MECOM: variants seen among roughly 807,000 people sequenced by gnomAD.
MECOM encodes histone-lysine N-methyltransferase MECOM.
In MECOM, 13 loss-of-function variants were observed where a neutral mutation model predicts 116.3. The observed-to-expected ratio is 0.11, with a 90% CI of 0.07 to 0.18. The LOEUF is 0.18. Ranked by LOEUF, MECOM falls within the 10% of genes least tolerant of loss-of-function variation. The pLI is 1.00. For missense variants in MECOM, 1,299 were observed against 1,509.0 expected, an observed-to-expected ratio of 0.86 and a Z score of 2.31; for synonymous variants, 528 against 535.2, an observed-to-expected ratio of 0.99 and a Z score of 0.19.
intron 1 of MECOM, among the ~76,000 whole-genome samples, chr3:169,619,946 T>C (rs1770503579): frequency 6.6e-6 from 1 of 152,198 alleles, no homozygotes; most frequent in Non-Finnish European, 1.5e-5. Context: ...CTTCATGTTC[T>C]AAGACAGTCA....
In MECOM at chr3:169,090,017, G is replaced by A; in HGVS notation, c.3384C>T (p.Cys1128=). The change falls in exon 15 of 17, where the codon TGC becomes TGT. Residue 1128 remains cysteine (C), a synonymous_variant. Transcript: ENST00000651503. Reference sequence around the variant, plus strand: ...GTACTCACCTCACTGGGGATGTCTTGCAACTCATCTCCAGGGCACTGGTTT... The same window carrying A: ...GTACTCACCTCACTGGGGATGTCTTACAACTCATCTCCAGGGCACTGGTTT... The part of the protein sequence containing the change: ...YEETSALEMS[C]KTSPVRYKEE... The A allele has an allele frequency of 6.2e-7, 1 of 1,613,196 alleles. No individual in the cohort carries two copies. The highest frequency in any genetic ancestry group is 8.5e-7 in the Non-Finnish European group (1 of 1,179,486).
intron 1 of MECOM, among the ~76,000 whole-genome samples, chr3:169,612,325 G>C (rs1769383450): frequency 6.6e-6 from 1 of 152,142 alleles, no homozygotes; most frequent in Admixed American, 6.5e-5. Context: ...AGAGATATCA[G>C]GCAGAAGCTG....
intron 1 of MECOM, among the ~76,000 whole-genome samples, chr3:169,532,519 C>T (rs1048978716): frequency 6.6e-6 from 1 of 152,204 alleles, no homozygotes; most frequent in African/African-American, 2.4e-5. Context: ...TAGATGAGCA[C>T]TTTGTCTAAG....
intron 2 of MECOM, among the ~76,000 whole-genome samples, chr3:169,336,957 T>C (rs1723677435): frequency 6.6e-6 from 1 of 152,142 alleles, no homozygotes; most frequent in African/African-American, 2.4e-5. Context: ...CGAGAGAAAT[T>C]CAATGCAAGA....
intron 2 of MECOM, among the ~76,000 whole-genome samples, chr3:169,336,874 A>G (rs1383676438): frequency 6.6e-6 from 1 of 152,190 alleles, no homozygotes. Flanking sequence ...TCAAGGATCC[A>G]TAAAAGGCTT....
At chr3:169,341,595 C>T (rs943851019) in intron 2 of MECOM, among the ~76,000 whole-genome samples, 1 of 151,832 alleles carries the variant, frequency 6.6e-6, no homozygotes, top group Admixed American at 6.6e-5. Flanking sequence ...CAAAAATTAG[C>T]TGGGCTTGGT....
At chr3:169,594,321 A>G (rs533224316) in intron 1 of MECOM, among the ~76,000 whole-genome samples, 1 of 152,218 alleles carries the variant, frequency 6.6e-6, no homozygotes, top group East Asian at 1.9e-4. Flanking sequence ...TTCTATGTCT[A>G]TCTAGAGCTG....
chr3:169,335,703 A>G (rs898819194), intron 2 of MECOM, among the ~76,000 whole-genome samples: 1 of 152,144 alleles, frequency 6.6e-6, no homozygotes, highest in African/African-American at 2.4e-5. Flanking sequence ...ATATGTATTC[A>G]TTATTTATGT....
At chr3:169,636,184 T>C (rs1295977437) in intron 1 of MECOM, among the ~76,000 whole-genome samples, 1 of 152,228 alleles carries the variant, frequency 6.6e-6, no homozygotes, top group Non-Finnish European at 1.5e-5. Context: ...CCAAGATCTT[T>C]AGATATAGTT....
At chr3:169,424,885 T>C (rs955872914) in intron 1 of MECOM, among the ~76,000 whole-genome samples, 3 of 152,142 alleles carry the variant, frequency 2.0e-5, no homozygotes, top group Non-Finnish European at 4.4e-5. Flanking sequence ...ATTATTACAG[T>C]CAAACAAGTG....
intron 2 of MECOM, among the ~76,000 whole-genome samples, chr3:169,176,451 T>C (rs1019546834): frequency 6.6e-6 from 1 of 152,090 alleles, no homozygotes; most frequent in African/African-American, 2.4e-5. Context: ...CCTTACACCT[T>C]ATACAAAAAT....
intron 1 of MECOM, among the ~76,000 whole-genome samples, chr3:169,597,231 C>T (rs192657392): frequency 3.9e-5 from 6 of 152,208 alleles, no homozygotes; most frequent in Admixed American, 6.5e-5. Context: ...AATAAGGAGC[C>T]GGGTGGAGAG....
At chr3:169,137,411 T>C (rs1025292441) in intron 3 of MECOM, among the ~76,000 whole-genome samples, 3 of 152,130 alleles carry the variant, frequency 2.0e-5, no homozygotes, top group African/African-American at 7.2e-5. Flanking sequence ...GGAAGGATCC[T>C]ATTATACATT....
Position 169,093,268 on chromosome 3 carries a change from T to C in MECOM, c.3020-166A>G, listed in dbSNP as rs560425197. ...TCAAAGTCTCCCCAGTTTACCATAATACACATGCCCATGACGGTCCTTTGG... is the reference window on the plus strand; with the variant it reads ...TCAAAGTCTCCCCAGTTTACCATAACACACATGCCCATGACGGTCCTTTGG... On this transcript the variant is annotated intron_variant, in intron 13 of 16. Transcript: ENST00000651503. Among the ~76,000 whole-genome samples the C allele has an allele frequency of 2.0e-5, 3 of 152,306 alleles. No homozygotes were observed. In the East Asian group the frequency reaches 5.8e-4, roughly 29 times the overall value.
At chr3:169,089,907 A>C (rs1719106532) in intron 15 of MECOM, 93 bp downstream of exon 15, 1 of 1,508,544 alleles carries the variant, frequency 6.6e-7, no homozygotes, top group African/African-American at 1.4e-5. Context: ...AATTTTTGTG[A>C]TTTATAACTC....
chr3:169,147,698 C>A, intron 2 of MECOM: 1 of 984,102 alleles, frequency 1.0e-6, no homozygotes, highest in East Asian at 1.1e-4. Context: ...GTTTCGATGT[C>A]TTGAAAGCAC....
intron 1 of MECOM, among the ~76,000 whole-genome samples, chr3:169,435,671 G>T (rs1014276755): frequency 1.3e-5 from 2 of 151,962 alleles, no homozygotes; most frequent in African/African-American, 2.4e-5. Flanking sequence ...ATATTTTCTT[G>T]CTGTAGACAA....
At chr3:169,402,466 T>A (rs1560227762) in intron 1 of MECOM, among the ~76,000 whole-genome samples, 1 of 151,964 alleles carries the variant, frequency 6.6e-6, no homozygotes, top group Non-Finnish European at 1.5e-5. Context: ...AGGAAAAAAA[T>A]TTCATTCTTA....
intron 2 of MECOM, among the ~76,000 whole-genome samples, chr3:169,258,715 G>C (rs977403814): frequency 1.3e-5 from 2 of 152,202 alleles, no homozygotes. Flanking sequence ...TGTGAATGGA[G>C]AGTGATCAGT....
Sources: gnomAD v4.1 joint callset for allele counts (sites outside exome capture counted in the v4.1 genomes callset) on GRCh38, gnomAD v4.1.1 for gene constraint, MANE v1.5 for transcripts, NCBI Gene and HGNC (gene_info 2026-07-23, HGNC 2026-07-21) for gene names.